Variants in FREM1 observed in about 807,000 individuals in gnomAD.
FREM1 encodes the protein FRAS1-related extracellular matrix protein 1.
In FREM1, 220 loss-of-function variants were observed where a neutral mutation model predicts 210.1. That is an observed-to-expected ratio of 1.05 (90% CI 0.94 to 1.17). FREM1 has a LOEUF of 1.17. FREM1 is among the 50% of genes most tolerant of loss of function. FREM1 has a pLI of 0.00. For missense variants in FREM1, 3,454 were observed against 2,675.5 expected (o/e 1.29, Z -6.42); for synonymous variants, 1,189 against 980.2 (o/e 1.21, Z -3.98).
At chr9:14,738,637 T>A (rs1840848273) in intron 36 of FREM1, among the ~76,000 whole-genome samples, 1 of 152,124 alleles carries the variant, frequency 6.6e-6, no homozygotes, top group South Asian at 2.1e-4. Context: ...TTCCCTCAAA[T>A]ACAACGCCTT....
intron 28 of FREM1, among the ~76,000 whole-genome samples, chr9:14,757,821 T>C (rs1844711010): frequency 6.6e-6 from 1 of 152,190 alleles, no homozygotes; most frequent in Non-Finnish European, 1.5e-5. Context: ...TGGAAACATT[T>C]TGCTGGAAAA....
At chr9:14,853,242 T>C (rs1828092529) in intron 5 of FREM1, among the ~76,000 whole-genome samples, 1 of 152,216 alleles carries the variant, frequency 6.6e-6, no homozygotes, top group African/African-American at 2.4e-5. Flanking sequence ...AATCAGTCTG[T>C]TCTTGTTTGT....
At chr9:14,897,414 G>A (rs1018048267) in intron 1 of FREM1, among the ~76,000 whole-genome samples, 4 of 152,068 alleles carry the variant, frequency 2.6e-5, no homozygotes, top group Non-Finnish European at 4.4e-5. Context: ...TGAGGAAACG[G>A]GGGCCCAAAG....
chr9:14,841,393 G>C, intron 10 of FREM1, 54 bp downstream of exon 10: 1 of 1,420,750 alleles, frequency 7.0e-7, no homozygotes, highest in Non-Finnish European at 9.5e-7. Context: ...ACATCTCCTA[G>C]AATTGACACC....
chr9:14,755,481 T>A (rs908077273), intron 29 of FREM1, among the ~76,000 whole-genome samples: 1 of 152,156 alleles, frequency 6.6e-6, no homozygotes, highest in Non-Finnish European at 1.5e-5. Flanking sequence ...CCATTGTATT[T>A]GCCACTCCCA....
intron 13 of FREM1, among the ~76,000 whole-genome samples, chr9:14,820,400 A>T (rs1040246453): frequency 6.6e-6 from 1 of 152,158 alleles, no homozygotes; most frequent in African/African-American, 2.4e-5. Flanking sequence ...CCATGGGAGG[A>T]TGCAGCAGTT....
chr9:14,818,533 G>C (rs1467087788), intron 14 of FREM1, among the ~76,000 whole-genome samples: 1 of 152,226 alleles, frequency 6.6e-6, no homozygotes, highest in Non-Finnish European at 1.5e-5. Flanking sequence ...AGAAGTGAGT[G>C]TGTGGGTCTA....
At position 14,868,955 on chromosome 9, in the gene FREM1, GC is replaced by G; in HGVS notation, c.22del (p.Ala8LeufsTer25). The part of the protein sequence containing the change: MNSLSWG[A>X]ANAVLLLLLL... ...GAGCAGCAGCAGCACGGCATTCGCA[GC>G]CCCCCAACTCAGAGAGTTCATGCTG... On this transcript the variant is annotated frameshift_variant, in exon 2 of 37. Coordinates refer to ENST00000380880, the MANE Select transcript of FREM1 (RefSeq NM_001379081.2). LOFTEE classifies it high-confidence loss of function. The G allele has an allele frequency of 1.9e-6, 3 of 1,589,044 alleles. No homozygotes were observed. Among genetic ancestry groups the G allele is most frequent in the Non-Finnish European group, 2.6e-6 (3 of 1,170,178 alleles).
At position 14,877,087 on chromosome 9, in the gene FREM1, C is replaced by T. The variant is rs147264152; in HGVS notation, c.-267-7843G>A. On this transcript the variant is annotated intron_variant, in intron 1 of 36. Transcript: ENST00000380880. ...GTCTCCTTACCTGGTTCTTTCTAGACTCCCTGACTCTTTAATGCTGGGACC... is the reference window on the plus strand; with the variant it reads ...GTCTCCTTACCTGGTTCTTTCTAGATTCCCTGACTCTTTAATGCTGGGACC... Among the ~76,000 whole-genome samples the T allele has an allele frequency of 4.0e-3, 605 of 152,304 alleles. 4 individuals carry two copies. Among genetic ancestry groups the T allele is most frequent in the African/African-American group, 0.014 (571 of 41,560 alleles).
intron 23 of FREM1, among the ~76,000 whole-genome samples, chr9:14,787,480 G>A (rs138290719): frequency 0.02 from 3,044 of 152,258 alleles, 53 homozygotes; most frequent in Non-Finnish European, 0.03. Context: ...CTTCCTGGGT[G>A]CAAAGCTAAA....
chr9:14,850,210 C>A (rs1195522296), intron 6 of FREM1, among the ~76,000 whole-genome samples: 1 of 152,178 alleles, frequency 6.6e-6, no homozygotes, highest in African/African-American at 2.4e-5. Context: ...TCCCCTCCCA[C>A]TAACTACAAA....
intron 10 of FREM1, among the ~76,000 whole-genome samples, chr9:14,828,574 AG>A (rs1185414273): frequency 1.4e-5 from 2 of 140,564 alleles, no homozygotes; most frequent in Non-Finnish European, 3.0e-5. Context: ...AAATGAGTTA[AG>A]ACTTTGGGGG....
intron 9 of FREM1, 51 bp from the exon 10 acceptor site, chr9:14,841,640 C>T (rs1358195940): frequency 2.4e-5 from 33 of 1,401,546 alleles, no homozygotes; most frequent in South Asian, 1.2e-4. Flanking sequence ...TATCAAATAT[C>T]GAGGGACAAT....
At chr9:14,820,838 G>A (rs1000074385) in intron 13 of FREM1, among the ~76,000 whole-genome samples, 3 of 152,194 alleles carry the variant, frequency 2.0e-5, no homozygotes, top group African/African-American at 7.2e-5. Flanking sequence ...GAAAGAGAGG[G>A]AGCTCTTACT....
intron 34 of FREM1, 77 bp downstream of exon 34, chr9:14,746,846 C>T (rs1842534747): frequency 6.7e-7 from 1 of 1,488,832 alleles, no homozygotes; most frequent in Non-Finnish European, 9.0e-7. Flanking sequence ...AGTCATGCAC[C>T]AGATGGTTCC....
At chr9:14,784,708 A>G (rs1850143668) in intron 23 of FREM1, 74 bp from the exon 24 acceptor site, 15 of 1,207,478 alleles carry the variant, frequency 1.2e-5, no homozygotes, top group Non-Finnish European at 1.5e-5. Context: ...GGCAGAAGAC[A>G]AAGGCCAAAA....
chr9:14,901,702 T>C (rs1328853506), intron 1 of FREM1, among the ~76,000 whole-genome samples: 1 of 152,186 alleles, frequency 6.6e-6, no homozygotes, highest in African/African-American at 2.4e-5. Flanking sequence ...GATAAACACT[T>C]TAACGACTCA....
chr9:14,874,138 T>A (rs1213602135), intron 1 of FREM1, among the ~76,000 whole-genome samples: 2 of 152,212 alleles, frequency 1.3e-5, no homozygotes, highest in African/African-American at 4.8e-5. Flanking sequence ...AAAAAATGTA[T>A]ATTCTGTTGA....
In FREM1 at chr9:14,784,395, C is replaced by T. The variant is rs762389406; in HGVS notation, c.4417G>A (p.Val1473Met). 118 of 1,613,720 alleles carry T rather than the reference C, an allele frequency of 7.3e-5. No homozygotes were observed. The highest frequency in any genetic ancestry group is 9.6e-5 in the Non-Finnish European group (113 of 1,179,776). ...QTVCYVHKSK[V>M]TVSSDRFRFI... The stretch of plus-strand genomic sequence containing the variant: ...CTGAATCTGTCACTGGAGACAGTCA[C>T]CTTGCTCTTGTGTACATAGCAAACT... Residue 1473 changes from valine (V) to methionine (M), a missense_variant, in exon 24 of 37, where the codon GTG (valine) becomes ATG (methionine). Coordinates refer to ENST00000380880, the MANE Select transcript of FREM1 (RefSeq NM_001379081.2).
Sources: allele counts gnomAD v4.1 joint callset (sites outside exome capture counted in the v4.1 genomes callset), GRCh38; gene constraint gnomAD v4.1.1; transcripts MANE v1.5; gene names NCBI Gene and HGNC (gene_info 2026-07-23, HGNC 2026-07-21).